DYRK1A: variants seen among roughly 807,000 people sequenced by gnomAD.
DYRK1A encodes the protein dual specificity tyrosine phosphorylation regulated kinase 1A.
Under a neutral mutation model 79.7 loss-of-function variants are expected in DYRK1A, and 9 were observed. That is an observed-to-expected ratio of 0.11 (90% CI 0.07 to 0.20). The LOEUF is 0.20. DYRK1A is among the 10% of genes least tolerant of loss of function. The probability of loss-of-function intolerance (pLI) is 1.00; values close to 1 mark genes in which losing one functional copy is unlikely to be tolerated. For missense variants in DYRK1A, 622 were observed against 956.0 expected (o/e 0.65, Z 4.61); for synonymous variants, 349 against 329.7 (o/e 1.06, Z -0.63).
At chr21:37,421,441 G>C (rs947624308) in intron 2 of DYRK1A, among the ~76,000 whole-genome samples, 6 of 152,062 alleles carry the variant, frequency 3.9e-5, no homozygotes, top group Non-Finnish European at 1.5e-5. Context: ...AATTAAATTA[G>C]AGAGTATATA....
At chr21:37,403,404 T>C (rs989920487) in intron 1 of DYRK1A, among the ~76,000 whole-genome samples, 2 of 152,058 alleles carry the variant, frequency 1.3e-5, no homozygotes, top group Non-Finnish European at 2.9e-5. Context: ...TTCCCCCTTA[T>C]TGGATCACAT....
At chr21:37,443,712 G>A (rs1172276903) in intron 2 of DYRK1A, among the ~76,000 whole-genome samples, 1 of 152,130 alleles carries the variant, frequency 6.6e-6, no homozygotes, top group South Asian at 2.1e-4. Flanking sequence ...GAAGCTTCTG[G>A]TAGTTTGCTG....
chr21:37,377,810 T>G (rs538274555), intron 1 of DYRK1A, among the ~76,000 whole-genome samples: 65 of 152,334 alleles, frequency 4.3e-4, no homozygotes, highest in Admixed American at 7.8e-4. Flanking sequence ...TACCTCTGTT[T>G]AGTCAGACTG....
chr21:37,390,026 T>C (rs577134973), intron 1 of DYRK1A, among the ~76,000 whole-genome samples: 183 of 151,838 alleles, frequency 1.2e-3, no homozygotes, highest in Non-Finnish European at 6.8e-4. Flanking sequence ...TGGGCTCAAG[T>C]GATCCTCCTG....
intron 3 of DYRK1A, among the ~76,000 whole-genome samples, chr21:37,476,071 T>G (rs548155627): frequency 6.6e-6 from 1 of 152,286 alleles, no homozygotes; most frequent in South Asian, 2.1e-4. Context: ...AGGGAGCTCC[T>G]GGCAAGAGTG....
chr21:37,422,684 G>A (rs1008550716), intron 2 of DYRK1A, among the ~76,000 whole-genome samples: 9 of 152,098 alleles, frequency 5.9e-5, no homozygotes, highest in African/African-American at 2.2e-4. Flanking sequence ...GTGAGGTGAT[G>A]AATATGTTAA....
At chr21:37,404,725 G>A (rs1242918141) in intron 1 of DYRK1A, among the ~76,000 whole-genome samples, 3 of 152,150 alleles carry the variant, frequency 2.0e-5, no homozygotes, top group Non-Finnish European at 2.9e-5. Context: ...AACAGTTGGC[G>A]CAAATATTTT....
At chr21:37,481,225 G>A (rs1354829727) in intron 5 of DYRK1A, 1 of 153,716 alleles carries the variant, frequency 6.5e-6, no homozygotes, top group Non-Finnish European at 1.4e-5. Context: ...GGTGCAGTGG[G>A]AGTCCACTCA....
intron 2 of DYRK1A, among the ~76,000 whole-genome samples, chr21:37,425,120 G>C (rs984894151): frequency 6.6e-6 from 1 of 152,102 alleles, no homozygotes; most frequent in African/African-American, 2.4e-5. Flanking sequence ...TACGTTTATG[G>C]CATTTGCACA....
chr21:37,401,481 C>CTTTTTTTTTTTTTTTTTTT (rs772460097), intron 1 of DYRK1A, among the ~76,000 whole-genome samples: 1 of 135,034 alleles, frequency 7.4e-6, no homozygotes, highest in Non-Finnish European at 1.6e-5. Flanking sequence ...ATTTCTAGTT[C>CTTTTTTTTTTTTTTTTTTT]CTTTTTTTTT....
chr21:37,507,652 C>G (rs1233141123), intron 11 of DYRK1A, among the ~76,000 whole-genome samples: 2 of 148,386 alleles, frequency 1.3e-5, no homozygotes, highest in African/African-American at 2.5e-5. Flanking sequence ...GCAGGATGTT[C>G]TTCTTTCCCT....
intron 3 of DYRK1A, 149 bp downstream of exon 3, chr21:37,473,029 G>A (rs2052281846): frequency 7.0e-6 from 4 of 571,924 alleles, no homozygotes; most frequent in East Asian, 3.5e-5. Context: ...TAAGAAGTTT[G>A]CATTAAATTT....
chr21:37,505,237 G>T (rs372154693), intron 9 of DYRK1A, 46 bp from the exon 10 acceptor site: 1 of 1,454,952 alleles, frequency 6.9e-7, no homozygotes, highest in Admixed American at 2.0e-5. Context: ...GAGTGTTTAC[G>T]TATTCCACCA....
At chr21:37,413,911 A>G (rs190930267) in intron 1 of DYRK1A, among the ~76,000 whole-genome samples, 18 of 152,314 alleles carry the variant, frequency 1.2e-4, no homozygotes, top group Non-Finnish European at 1.2e-4. Context: ...GAGGGGAAGA[A>G]GCAGGCTCTA....
intron 9 of DYRK1A, among the ~76,000 whole-genome samples, chr21:37,498,991 A>G (rs1405667153): frequency 6.6e-6 from 1 of 152,062 alleles, no homozygotes; most frequent in Non-Finnish European, 1.5e-5. Context: ...GGGTTGTTTA[A>G]TAATTGAGTA....
intron 5 of DYRK1A, among the ~76,000 whole-genome samples, chr21:37,484,330 T>C (rs1033223628): frequency 1.8e-3 from 107 of 60,394 alleles, no homozygotes; most frequent in African/African-American, 3.0e-3. Flanking sequence ...AATAGGTCCC[T>C]TTTTTTTTTT....
Position 37,512,301 on chromosome 21 carries a change from A to G in DYRK1A, c.2035A>G (p.Asn679Asp), listed in dbSNP as rs1196786126. 1.2e-6 allele frequency: 2 copies of G among 1,614,206 alleles called. No individual in the cohort carries two copies. Among genetic ancestry groups the G allele is most frequent in the Non-Finnish European group, 1.7e-6 (2 of 1,180,040 alleles). ...CTACCAGAATCGCCCAGTGGCTGCT[A>G]ATACCTTGGACTTTGGACAGAATGG... The part of the protein sequence containing the change: ...QAYQNRPVAA[N>D]TLDFGQNGAM... Residue 679 changes from asparagine to aspartate, a missense_variant, in exon 12 of 12, where the codon AAT becomes GAT. This residue lies in a region of DYRK1A where 292 missense variants were observed against 316.7 expected (regional missense o/e 0.92). Coordinates refer to ENST00000647188, the MANE Select transcript of DYRK1A (RefSeq NM_001347721.2).
intron 1 of DYRK1A, among the ~76,000 whole-genome samples, chr21:37,413,379 G>T (rs1209714136): frequency 6.6e-6 from 1 of 152,028 alleles, no homozygotes; most frequent in Non-Finnish European, 1.5e-5. Context: ...ATGCACTCAT[G>T]CAAATCAATT....
At chr21:37,494,904 C>T (rs74637495) in intron 8 of DYRK1A, among the ~76,000 whole-genome samples, 1,621 of 149,864 alleles carry the variant, frequency 0.011, 22 homozygotes, top group African/African-American at 0.037. Context: ...GCCGAGATCA[C>T]GCCACTGCCC....
Sources: gnomAD v4.1 joint callset for allele counts (sites outside exome capture counted in the v4.1 genomes callset) on GRCh38, gnomAD v4.1.1 for gene constraint, gnomAD v4.1.1 regional missense constraint, MANE v1.5 for transcripts, NCBI Gene and HGNC (gene_info 2026-07-23, HGNC 2026-07-21) for gene names.